CDH13: variants seen among roughly 807,000 people sequenced by gnomAD.
The protein encoded by CDH13 is cadherin 13, also known as cadherin-13.
In CDH13, 24 loss-of-function variants were observed where a neutral mutation model predicts 63.8. That is an observed-to-expected ratio of 0.38 (90% CI 0.27 to 0.53). The LOEUF is 0.53. Ranked by LOEUF, CDH13 falls within the 20% of genes least tolerant of loss-of-function variation. CDH13 has a pLI of 0.85. For missense variants in CDH13, 1,049 were observed against 903.1 expected (o/e 1.16, Z -2.07); for synonymous variants, 503 against 355.3 (o/e 1.42, Z -4.67).
At chr16:83,724,685 C>T (rs1277265548) in intron 10 of CDH13, among the ~76,000 whole-genome samples, 4 of 152,172 alleles carry the variant, frequency 2.6e-5, no homozygotes, top group Non-Finnish European at 4.4e-5. Context: ...AGCCTATCTC[C>T]TAAGCTCTCT....
intron 6 of CDH13, among the ~76,000 whole-genome samples, chr16:83,376,244 C>T (rs1054449734): frequency 6.6e-6 from 1 of 152,062 alleles, no homozygotes. Context: ...CTCTGTTGGC[C>T]CAGTTTAAGT....
chr16:83,529,916 A>G (rs1241911854), intron 7 of CDH13, among the ~76,000 whole-genome samples: 1 of 152,184 alleles, frequency 6.6e-6, no homozygotes, highest in Non-Finnish European at 1.5e-5. Context: ...TCACTTATAA[A>G]GGAAAATTAG....
At chr16:83,550,015 C>G (rs1228782033) in intron 7 of CDH13, among the ~76,000 whole-genome samples, 1 of 152,156 alleles carries the variant, frequency 6.6e-6, no homozygotes, top group Non-Finnish European at 1.5e-5. Context: ...GCTGACCAAG[C>G]CAAAAACACT....
chr16:82,678,996 C>T (rs895011897), intron 1 of CDH13, among the ~76,000 whole-genome samples: 82 of 152,286 alleles, frequency 5.4e-4, no homozygotes, highest in African/African-American at 1.9e-3. Context: ...AGGGAGCAGA[C>T]TCCAGTTGAT....
intron 1 of CDH13, among the ~76,000 whole-genome samples, chr16:82,787,988 G>A (rs1211364964): frequency 6.6e-6 from 1 of 152,128 alleles, no homozygotes; most frequent in African/African-American, 2.4e-5. Flanking sequence ...CCTCCCTTCT[G>A]TCCTGAAGCA....
intron 1 of CDH13, among the ~76,000 whole-genome samples, chr16:82,685,436 C>G (rs1036977273): frequency 6.6e-5 from 10 of 152,204 alleles, no homozygotes; most frequent in African/African-American, 1.9e-4. Flanking sequence ...AAGGCCCTGC[C>G]TCCTAACACT....
chr16:83,352,897 TA>T (rs2090985144), intron 6 of CDH13, among the ~76,000 whole-genome samples: 1 of 151,970 alleles, frequency 6.6e-6, no homozygotes, highest in Non-Finnish European at 1.5e-5. Flanking sequence ...CTCAAAAAAA[TA>T]AATAAATAAA....
chr16:82,784,125 G>C (rs530895037), intron 1 of CDH13, among the ~76,000 whole-genome samples: 1 of 152,068 alleles, frequency 6.6e-6, no homozygotes, highest in African/African-American at 2.4e-5. Flanking sequence ...CCCAAATTTC[G>C]GTGGTTTAAC....
chr16:83,089,396 C>G lies in CDH13; in HGVS notation c.367-35989C>G, dbSNP rs149250767. ...TATTGTGTGGCAGGCACTATTCTAT[C>G]CATTAGGGCACAATAGTGAACGAAA... On this transcript the variant is annotated intron_variant, in intron 3 of 13. Coordinates refer to ENST00000567109, the MANE Select transcript of CDH13 (RefSeq NM_001257.5). Among the ~76,000 whole-genome samples, 148 of 152,312 alleles carry G rather than the reference C, an allele frequency of 9.7e-4. 2 individuals are homozygous for G. Among genetic ancestry groups the G allele is most frequent in the African/African-American group, 3.3e-3 (138 of 41,560 alleles).
At chr16:82,838,243 T>G (rs747078839) in intron 1 of CDH13, among the ~76,000 whole-genome samples, 3 of 152,246 alleles carry the variant, frequency 2.0e-5, no homozygotes, top group Non-Finnish European at 4.4e-5. Flanking sequence ...AGTTATCCTT[T>G]GTCCTTCTTT....
At chr16:83,587,929 A>G (rs920631124) in intron 7 of CDH13, among the ~76,000 whole-genome samples, 3 of 150,762 alleles carry the variant, frequency 2.0e-5, no homozygotes, top group African/African-American at 7.3e-5. Context: ...TTATCTGAGC[A>G]ACATTCTCTT....
intron 6 of CDH13, among the ~76,000 whole-genome samples, chr16:83,474,385 G>A (rs1428526790): frequency 6.6e-6 from 1 of 152,144 alleles, no homozygotes; most frequent in Non-Finnish European, 1.5e-5. Flanking sequence ...CATCTGTTCA[G>A]CTTCTATCAT....
At chr16:82,883,819 CTG>C (rs1417141766) in intron 2 of CDH13, among the ~76,000 whole-genome samples, 3 of 152,204 alleles carry the variant, frequency 2.0e-5, no homozygotes, top group African/African-American at 7.2e-5. Flanking sequence ...TGTCCTTACT[CTG>C]TGCCTGGGAC....
chr16:82,724,880 T>C (rs13334534), intron 1 of CDH13, among the ~76,000 whole-genome samples: 45,960 of 152,070 alleles, frequency 0.3, 7,245 homozygotes, highest in Admixed American at 0.41. Flanking sequence ...TGTCCTTGGC[T>C]GGGTCAGCCA....
At chr16:83,293,695 G>T (rs1033591212) in intron 5 of CDH13, among the ~76,000 whole-genome samples, 1 of 152,168 alleles carries the variant, frequency 6.6e-6, no homozygotes, top group Admixed American at 6.6e-5. Context: ...GTCTTTTCAT[G>T]TCAACTTATT....
At chr16:83,526,486 C>G (rs1157981754) in intron 7 of CDH13, among the ~76,000 whole-genome samples, 3 of 152,154 alleles carry the variant, frequency 2.0e-5, no homozygotes, top group African/African-American at 7.2e-5. Context: ...CTTGCATGCA[C>G]AGTTCACAAT....
intron 7 of CDH13, among the ~76,000 whole-genome samples, chr16:83,533,470 G>A (rs1028027345): frequency 6.6e-6 from 1 of 152,168 alleles, no homozygotes; most frequent in African/African-American, 2.4e-5. Context: ...AGTCGGATCT[G>A]TGTAGGTAGA....
intron 1 of CDH13, among the ~76,000 whole-genome samples, chr16:82,663,139 A>G (rs568834662): frequency 6.6e-6 from 1 of 152,288 alleles, no homozygotes; most frequent in East Asian, 1.9e-4. Flanking sequence ...GGGCTTGAAT[A>G]AATACCCTTA....
At chr16:82,907,844 A>G (rs1317514212) in intron 2 of CDH13, among the ~76,000 whole-genome samples, 1 of 152,182 alleles carries the variant, frequency 6.6e-6, no homozygotes, top group Non-Finnish European at 1.5e-5. Flanking sequence ...TATTTTGAGT[A>G]TGTTCCCCCC....
Sources: gnomAD v4.1 joint callset for allele counts (sites outside exome capture counted in the v4.1 genomes callset) on GRCh38, gnomAD v4.1.1 for gene constraint, MANE v1.5 for transcripts, NCBI Gene and HGNC (gene_info 2026-07-23, HGNC 2026-07-21) for gene names.